The following LHFPL3 variants were observed in gnomAD, a reference collection of about 807,000 sequenced individuals.
LHFPL3 encodes LHFPL tetraspan subfamily member 3 protein.
In LHFPL3, 5 loss-of-function variants were observed where a neutral mutation model predicts 19.3. That is an observed-to-expected ratio of 0.26 (90% CI 0.14 to 0.54). LHFPL3 has a LOEUF of 0.54. Ranked by LOEUF, LHFPL3 falls within the 20% of genes least tolerant of loss-of-function variation. The probability of loss-of-function intolerance (pLI) is 0.94; values close to 1 mark genes in which losing one functional copy is unlikely to be tolerated. For missense variants in LHFPL3, 249 were observed against 307.4 expected (o/e 0.81, Z 1.42); for synonymous variants, 133 against 126.2 (o/e 1.05, Z -0.36).
intron 1 of LHFPL3, among the ~76,000 whole-genome samples, chr7:104,457,877 A>AT (rs1184376875): frequency 6.9e-6 from 1 of 143,984 alleles, no homozygotes; most frequent in East Asian, 2.1e-4. Flanking sequence ...GATGGTGAGC[A>AT]TTTTTTCATG....
chr7:104,678,917 T>A (rs1584476598), intron 1 of LHFPL3, among the ~76,000 whole-genome samples: 1 of 152,374 alleles, frequency 6.6e-6, no homozygotes, highest in South Asian at 2.1e-4. Context: ...AAAATCTAAA[T>A]AAGTTTTCTA....
intron 2 of LHFPL3, among the ~76,000 whole-genome samples, chr7:104,883,510 G>A (rs1291202856): frequency 8.5e-5 from 13 of 152,134 alleles, no homozygotes; most frequent in Non-Finnish European, 1.5e-5. Flanking sequence ...ACAGAAGCCC[G>A]GGGAGCTTTT....
In LHFPL3 at chr7:104,738,129, T is replaced by G. The variant is rs79606115; in HGVS notation, c.682+1218T>G. Among the ~76,000 whole-genome samples the G allele has an allele frequency of 3.5e-3, 533 of 152,282 alleles. 3 individuals are homozygous for G. The highest frequency in any genetic ancestry group is 0.012 in the African/African-American group (499 of 41,570). ...ACACATATTAGTTTTCTTAGTTCTA[T>G]CAAAAATATTCTAAACACAAAAATA... On this transcript the variant is annotated intron_variant, in intron 2 of 2. Transcript: ENST00000424859.
chr7:104,545,809 C>CA (rs1397767153), intron 1 of LHFPL3, among the ~76,000 whole-genome samples: 1 of 152,224 alleles, frequency 6.6e-6, no homozygotes, highest in South Asian at 2.1e-4. Context: ...AGTTGAAGAG[C>CA]AAAAAAACTG....
rs558370716 is a variant in LHFPL3, at chr7:104,511,659, AC to A, written c.445+182436del. Among the ~76,000 whole-genome samples, 22 of 152,276 alleles carry A rather than the reference AC, an allele frequency of 1.4e-4. No homozygotes were observed. In the South Asian group the frequency reaches 4.6e-3, roughly 32 times the overall value. ...TAGTTTGAAGGAGCAAATTGTTGAT[AC>A]ATGCAGTGACCTGGATGAAACTATG... is the stretch of plus-strand genomic sequence containing the variant. On this transcript the variant is annotated intron_variant, in intron 1 of 2. Coordinates refer to ENST00000424859, the MANE Select transcript of LHFPL3 (RefSeq NM_199000.3).
In LHFPL3 at chr7:104,903,491, G is replaced by A. The variant is rs887748428; in HGVS notation, c.683-2696G>A. ...TTTTTTTTTTTTTTTTTGAGACAGCGTCTTGCTCTGTCACCCAGGCTGGAG... is the reference window on the plus strand; with the variant it reads ...TTTTTTTTTTTTTTTTTGAGACAGCATCTTGCTCTGTCACCCAGGCTGGAG... On this transcript the variant is annotated intron_variant, in intron 2 of 2. Coordinates refer to ENST00000424859, the MANE Select transcript of LHFPL3 (RefSeq NM_199000.3). 7.1e-4 allele frequency among the ~76,000 whole-genome samples: 99 copies of A among 139,272 alleles called. 1 individual carries two copies. Among genetic ancestry groups the A allele is most frequent in the Middle Eastern group, 3.9e-3 (1 of 256 alleles). 91.4% of individuals were successfully genotyped at this position (139,272 alleles called of 152,430 possible).
At chr7:104,398,943 T>C (rs1223554711) in intron 1 of LHFPL3, among the ~76,000 whole-genome samples, 1 of 152,170 alleles carries the variant, frequency 6.6e-6, no homozygotes, top group Non-Finnish European at 1.5e-5. Flanking sequence ...TTTCCTCCCT[T>C]GATGGTTGTA....
chr7:104,394,947 C>T (rs1285267523), intron 1 of LHFPL3, among the ~76,000 whole-genome samples: 4 of 152,070 alleles, frequency 2.6e-5, no homozygotes, highest in Non-Finnish European at 5.9e-5. Context: ...GATCCACCCA[C>T]CTCGGCCTCC....
chr7:104,889,015 GA>G (rs144597778), intron 2 of LHFPL3, among the ~76,000 whole-genome samples: 1 of 150,994 alleles, frequency 6.6e-6, no homozygotes, highest in Non-Finnish European at 1.5e-5. Flanking sequence ...AGAAAGAGAA[GA>G]AAAAAAAGAA....
chr7:104,675,520 G>C (rs1028992806), intron 1 of LHFPL3, among the ~76,000 whole-genome samples: 3 of 152,174 alleles, frequency 2.0e-5, no homozygotes, highest in African/African-American at 7.2e-5. Flanking sequence ...CATTCTGCTT[G>C]CTATGTGGAA....
chr7:104,475,707 G>A (rs1022595267), intron 1 of LHFPL3, among the ~76,000 whole-genome samples: 1 of 152,128 alleles, frequency 6.6e-6, no homozygotes, highest in African/African-American at 2.4e-5. Context: ...TCCCTGAGTA[G>A]TTCAGCAATA....
At chr7:104,707,550 T>TC (rs1793215174) in intron 1 of LHFPL3, among the ~76,000 whole-genome samples, 1 of 152,192 alleles carries the variant, frequency 6.6e-6, no homozygotes, top group Non-Finnish European at 1.5e-5. Context: ...AGTTCAACCA[T>TC]CCCTGAGAGA....
In LHFPL3 at chr7:104,807,011, A is replaced by ATGTGTGTGTGTGTGTGTG. The variant is rs10665231; in HGVS notation, c.682+70126_682+70143dup. Among the ~76,000 whole-genome samples the ATGTGTGTGTGTGTGTGTG allele has an allele frequency of 2.2e-3, 302 of 139,758 alleles. 1 individual carries two copies. The highest frequency in any genetic ancestry group is 3.0e-3 in the Non-Finnish European group (197 of 65,152). The allele number at this position is 139,758 out of a possible 152,430, so 91.7% of individuals were successfully genotyped here. On this transcript the variant is annotated intron_variant, in intron 2 of 2. Coordinates refer to ENST00000424859, the MANE Select transcript of LHFPL3 (RefSeq NM_199000.3). ...TGAATTGTGCCCCACCAAAATATATATGTGTGTGTGTGTGTGTGTGTGTGT... is the reference window on the plus strand; with the variant it reads ...TGAATTGTGCCCCACCAAAATATATATGTGTGTGTGTGTGTGTGTGTGTGTGTGTGTGTGTGTGTGTGT...
intron 2 of LHFPL3, among the ~76,000 whole-genome samples, chr7:104,826,972 GGAA>G (rs2116544704): frequency 6.6e-6 from 1 of 152,096 alleles, no homozygotes; most frequent in African/African-American, 2.4e-5. Context: ...ACCCTTGTGT[GGAA>G]GAAGCCCTTT....
At chr7:104,680,459 G>A (rs1562964382) in intron 1 of LHFPL3, among the ~76,000 whole-genome samples, 2 of 152,274 alleles carry the variant, frequency 1.3e-5, no homozygotes, top group East Asian at 1.9e-4. Flanking sequence ...TGAGTGACAT[G>A]AGCAAGTGCT....
chr7:104,388,870 G>A (rs1004517902), intron 1 of LHFPL3, among the ~76,000 whole-genome samples: 2 of 152,022 alleles, frequency 1.3e-5, no homozygotes, highest in Non-Finnish European at 2.9e-5. Flanking sequence ...AAATAGAAGG[G>A]AATTTCCTCA....
chr7:104,501,370 C>T (rs972100051), intron 1 of LHFPL3, among the ~76,000 whole-genome samples: 1 of 152,178 alleles, frequency 6.6e-6, no homozygotes, highest in Non-Finnish European at 1.5e-5. Context: ...GCTGCAGTCA[C>T]TTGGGAGCAG....
At chr7:104,598,890 TCCCTCAGTTTTTTAGAGATG>T (rs1045074079) in intron 1 of LHFPL3, among the ~76,000 whole-genome samples, 1 of 152,230 alleles carries the variant, frequency 6.6e-6, no homozygotes, top group African/African-American at 2.4e-5. Context: ...TTCCCAGAAT[TCCCTCAGTTTTTTAGAGATG>T]GACTAGACAA....
At chr7:104,778,930 CTAAA>C (rs771835627) in intron 2 of LHFPL3, among the ~76,000 whole-genome samples, 41 of 152,232 alleles carry the variant, frequency 2.7e-4, no homozygotes, top group Admixed American at 2.0e-4. Flanking sequence ...TAATGCCTGG[CTAAA>C]TAAATGGGAG....
Sources: allele counts gnomAD v4.1 joint callset (sites outside exome capture counted in the v4.1 genomes callset), GRCh38; gene constraint gnomAD v4.1.1; transcripts MANE v1.5; gene names NCBI Gene and HGNC (gene_info 2026-07-23, HGNC 2026-07-21).